ANO1: variants seen among roughly 807,000 people sequenced by gnomAD.
ANO1 encodes the protein anoctamin 1, also known as anoctamin-1.
In ANO1, 59 loss-of-function variants were observed where a neutral mutation model predicts 124.0. The ratio of observed to expected loss-of-function variants is 0.48; its 90% confidence interval spans 0.39 to 0.59. ANO1 has a LOEUF of 0.59. ANO1 is among the 20% of genes least tolerant of loss of function. The pLI is 0.00. For missense variants in ANO1, 1,059 were observed against 1,328.0 expected (o/e 0.80, Z 3.15); for synonymous variants, 529 against 532.0 (o/e 0.99, Z 0.08).
intron 1 of ANO1, among the ~76,000 whole-genome samples, chr11:70,067,430 C>T (rs1181948565): frequency 6.6e-6 from 1 of 150,472 alleles, no homozygotes; most frequent in African/African-American, 2.5e-5. Flanking sequence ...TAGGTTTAAG[C>T]AATTGTCCTG....
chr11:70,146,296 C>G (rs925645566), intron 11 of ANO1, among the ~76,000 whole-genome samples: 1 of 152,190 alleles, frequency 6.6e-6, no homozygotes, highest in Non-Finnish European at 1.5e-5. Flanking sequence ...AATCTATGAA[C>G]GGGAATCCTC....
At chr11:70,013,905 G>A (rs1376400292) in intron 1 of ANO1, among the ~76,000 whole-genome samples, 5 of 151,856 alleles carry the variant, frequency 3.3e-5, no homozygotes, top group South Asian at 2.1e-4. Flanking sequence ...AGGTCAGGGC[G>A]CTGCCAAGCC....
intron 1 of ANO1, among the ~76,000 whole-genome samples, chr11:69,996,353 G>T (rs1856271699): frequency 1.3e-5 from 2 of 152,168 alleles, no homozygotes; most frequent in African/African-American, 2.4e-5. Context: ...AATTTAAAAT[G>T]CTCCCTTGGC....
At chr11:70,043,605 G>A (rs1857213667) in intron 1 of ANO1, among the ~76,000 whole-genome samples, 1 of 152,108 alleles carries the variant, frequency 6.6e-6, no homozygotes, top group Non-Finnish European at 1.5e-5. Flanking sequence ...ATTATGTAGG[G>A]GAAGAAGAGT....
chr11:70,137,040 G>A, intron 11 of ANO1, among the ~76,000 whole-genome samples: 1 of 147,302 alleles, frequency 6.8e-6, no homozygotes, highest in East Asian at 2.0e-4. Flanking sequence ...GCATTGGGAG[G>A]TGATGTCTAT....
intron 1 of ANO1, among the ~76,000 whole-genome samples, chr11:69,998,913 A>G (rs1279449689): frequency 2.6e-5 from 4 of 152,100 alleles, no homozygotes; most frequent in Admixed American, 6.6e-5. Flanking sequence ...GCACCATTGC[A>G]CTGCAGCCTG....
At chr11:69,984,516 G>C (rs1554996633), upstream of ANO1, among the ~76,000 whole-genome samples, 1 of 151,992 alleles carries the variant, frequency 6.6e-6, no homozygotes, top group Admixed American at 6.6e-5. Flanking sequence ...GCTGAGGTGG[G>C]GGCGGGGAAG....
intron 8 of ANO1, among the ~76,000 whole-genome samples, chr11:70,123,884 TG>T (rs1008297099): frequency 2.0e-5 from 3 of 152,056 alleles, no homozygotes; most frequent in Non-Finnish European, 2.9e-5. Context: ...GCCCAAAGCC[TG>T]GGGGGGTAAC....
At chr11:70,052,814 C>T (rs1436414765) in intron 1 of ANO1, among the ~76,000 whole-genome samples, 1 of 151,966 alleles carries the variant, frequency 6.6e-6, no homozygotes, top group African/African-American at 2.4e-5. Flanking sequence ...CTTGGCCTCC[C>T]AAAGTCCTGG....
chr11:69,966,780 C>A, the ANO1 span, among the ~76,000 whole-genome samples: 1 of 152,198 alleles, frequency 6.6e-6, no homozygotes, highest in Non-Finnish European at 1.5e-5. Flanking sequence ...ACCCAGAGAG[C>A]AGACTTCTAA....
chr11:70,052,638 T>A (rs1555006400), intron 1 of ANO1, among the ~76,000 whole-genome samples: 1 of 142,684 alleles, frequency 7.0e-6, no homozygotes, highest in African/African-American at 2.6e-5. Context: ...CTTCAACCTC[T>A]GCCTCCCAGG....
chr11:70,013,411 G>A (rs1856636459), intron 1 of ANO1, among the ~76,000 whole-genome samples: 1 of 152,094 alleles, frequency 6.6e-6, no homozygotes, highest in African/African-American at 2.4e-5. Flanking sequence ...GGTTTTGATT[G>A]AATCTATCAT....
At chr11:70,026,642 A>G (rs1369743172) in intron 1 of ANO1, among the ~76,000 whole-genome samples, 1 of 152,142 alleles carries the variant, frequency 6.6e-6, no homozygotes, top group Non-Finnish European at 1.5e-5. Flanking sequence ...TCAAGAGACC[A>G]GGGTCACTTT....
the ANO1 span, among the ~76,000 whole-genome samples, chr11:69,979,507 C>A: frequency 2.0e-5 from 3 of 152,148 alleles, no homozygotes; most frequent in African/African-American, 2.4e-5. Context: ...ATACTTCATA[C>A]GAATGAGACA....
chr11:70,012,512 A>ATCCATCCATCCATCCTTTGT (rs1856616774), intron 1 of ANO1, among the ~76,000 whole-genome samples: 1 of 145,278 alleles, frequency 6.9e-6, no homozygotes, highest in Non-Finnish European at 1.5e-5. Flanking sequence ...CCATTCTTTC[A>ATCCATCCATCCATCCTTTGT]TCCATCCATC....
intron 1 of ANO1, among the ~76,000 whole-genome samples, chr11:70,003,228 GCTAA>G (rs1205661149): frequency 3.3e-5 from 5 of 152,122 alleles, no homozygotes; most frequent in East Asian, 1.9e-4. Context: ...CACCAAAATG[GCTAA>G]CTATTTAGAA....
chr11:70,000,977 G>A (rs903270791), intron 1 of ANO1, among the ~76,000 whole-genome samples: 3 of 151,826 alleles, frequency 2.0e-5, no homozygotes, highest in Non-Finnish European at 4.4e-5. Context: ...TACTGCTCAT[G>A]GGTGTGGAGA....
intron 1 of ANO1, among the ~76,000 whole-genome samples, chr11:70,025,722 G>GA (rs1856886058): frequency 2.7e-5 from 2 of 72,852 alleles, no homozygotes; most frequent in African/African-American, 5.0e-5. Context: ...GATGATGATG[G>GA]TGGTGGTGAT....
chr11:70,110,649 C>T lies in ANO1; in HGVS notation c.800-1058C>T, dbSNP rs1459131453. On this transcript the variant is annotated intron_variant, in intron 6 of 25. Coordinates refer to ENST00000355303, the MANE Select transcript of ANO1 (RefSeq NM_018043.7). ...AGGGGATTTCGGGAGGTCATTTTCC[C>T]GCCGCTATCAGGTGGAGTCTCAGAG... Among the ~76,000 whole-genome samples the T allele has an allele frequency of 2.6e-5, 4 of 152,112 alleles. No individual in the cohort carries two copies. The South Asian group carries it at 8.3e-4, about 32-fold the overall frequency.
Sources: allele counts gnomAD v4.1 joint callset (sites outside exome capture counted in the v4.1 genomes callset), GRCh38; gene constraint gnomAD v4.1.1; transcripts MANE v1.5; gene names NCBI Gene and HGNC (gene_info 2026-07-23, HGNC 2026-07-21).